CSMD1: variants seen among roughly 807,000 people sequenced by gnomAD.
CSMD1 encodes CUB and Sushi multiple domains 1, also known as CUB and sushi domain-containing protein 1.
A neutral mutation model predicts 417.5 loss-of-function variants in CSMD1; 213 were observed. That is an observed-to-expected ratio of 0.51 (90% CI 0.46 to 0.57). The LOEUF (loss-of-function observed/expected upper bound fraction) is 0.57, where lower values mean the gene tolerates loss of function less well. CSMD1 is among the 20% of genes least tolerant of loss of function. CSMD1 has a pLI of 0.00. For synonymous variants in CSMD1, 2,862 were observed against 1,736.8 expected (o/e 1.65, Z -16.11); for missense variants, 6,923 against 4,529.7 (o/e 1.53, Z -15.17).
chr8:3,628,612 G>A (rs1019750323), intron 7 of CSMD1, among the ~76,000 whole-genome samples: 6 of 152,152 alleles, frequency 3.9e-5, no homozygotes, highest in Non-Finnish European at 7.4e-5. Context: ...GAGGAAGAGG[G>A]AGTGTCTCAG....
chr8:3,119,602 T>C (rs1817078082), intron 41 of CSMD1, among the ~76,000 whole-genome samples: 2 of 152,150 alleles, frequency 1.3e-5, no homozygotes, highest in South Asian at 2.1e-4. Flanking sequence ...AATCCATAAA[T>C]CAGGTATCAT....
At chr8:3,868,479 C>A (rs1017624563) in intron 5 of CSMD1, among the ~76,000 whole-genome samples, 2 of 152,098 alleles carry the variant, frequency 1.3e-5, no homozygotes, top group Non-Finnish European at 1.5e-5. Flanking sequence ...GGAAGGGGCT[C>A]TCTCATTCAA....
chr8:3,590,427 T>C (rs1800797494), intron 8 of CSMD1, among the ~76,000 whole-genome samples: 1 of 152,148 alleles, frequency 6.6e-6, no homozygotes, highest in African/African-American at 2.4e-5. Flanking sequence ...CTTACTCTTC[T>C]CAGATTTCCA....
intron 1 of CSMD1, among the ~76,000 whole-genome samples, chr8:4,793,727 A>C (rs1349058008): frequency 6.6e-6 from 1 of 151,970 alleles, no homozygotes; most frequent in Non-Finnish European, 1.5e-5. Context: ...TTTACAGGGG[A>C]AATGACATTC....
intron 18 of CSMD1, among the ~76,000 whole-genome samples, chr8:3,372,718 G>T (rs1330349065): frequency 6.6e-6 from 1 of 152,152 alleles, no homozygotes; most frequent in Non-Finnish European, 1.5e-5. Flanking sequence ...GGATACCAAA[G>T]CTCCAAGTCT....
In CSMD1 at chr8:3,029,367, G is replaced by C. The variant is rs1030040273; in HGVS notation, c.7807C>G (p.Gln2603Glu). ...CCTATGTTCCACGTCCCATTGGCCTGGCACCGCAGGAGCCTCCAGCCTTCT... is the reference window on the plus strand; with the variant it reads ...CCTATGTTCCACGTCCCATTGGCCTCGCACCGCAGGAGCCTCCAGCCTTCT... ...YLEGWRLLRCQANGTWNIGDE... is the reference protein window; with the variant it reads ...YLEGWRLLRCEANGTWNIGDE... Residue 2603 changes from glutamine (Q) to glutamate (E), a missense_variant, in exon 51 of 70, where the codon CAG (glutamine) becomes GAG (glutamate). Gln to Glu is a conservative substitution (Grantham distance 29). Transcript: ENST00000635120. 9 of 1,610,856 alleles carry C rather than the reference G, an allele frequency of 5.6e-6. No homozygotes were observed. The highest frequency in any genetic ancestry group is 7.6e-6 in the Non-Finnish European group (9 of 1,179,304).
chr8:3,868,775 G>C (rs766861773), intron 5 of CSMD1, among the ~76,000 whole-genome samples: 1 of 152,070 alleles, frequency 6.6e-6, no homozygotes, highest in African/African-American at 2.4e-5. Flanking sequence ...ATTTCTGTTC[G>C]CTATACCTTC....
chr8:4,988,900 A>T (rs73499410), intron 1 of CSMD1, among the ~76,000 whole-genome samples: 2 of 152,204 alleles, frequency 1.3e-5, no homozygotes, highest in African/African-American at 4.8e-5. Flanking sequence ...TCAATTATAC[A>T]ATGTCCTTCT....
rs552931376 is a variant in CSMD1, at chr8:4,571,726, G to T, written c.302+65616C>A. ...TTGATCTGTCTAGTATTGACAGTGGGTGTTAAACTCTCCCACTATTATTGT... is the reference window on the plus strand; with the variant it reads ...TTGATCTGTCTAGTATTGACAGTGGTTGTTAAACTCTCCCACTATTATTGT... On this transcript the variant is annotated intron_variant, in intron 2 of 69. Coordinates refer to ENST00000635120, the MANE Select transcript of CSMD1 (RefSeq NM_033225.6). Among the ~76,000 whole-genome samples, 3 of 152,236 alleles carry T rather than the reference G, an allele frequency of 2.0e-5. No homozygotes were observed. In the East Asian group the frequency reaches 5.8e-4, roughly 29 times the overall value.
intron 3 of CSMD1, among the ~76,000 whole-genome samples, chr8:4,090,133 A>T (rs934572817): frequency 6.6e-6 from 1 of 152,238 alleles, no homozygotes; most frequent in African/African-American, 2.4e-5. Context: ...GCTCATCATT[A>T]ATAGAATACA....
At chr8:4,241,726 C>T (rs755411644) in intron 3 of CSMD1, among the ~76,000 whole-genome samples, 55 of 143,638 alleles carry the variant, frequency 3.8e-4, no homozygotes, top group Non-Finnish European at 6.6e-4. Context: ...TTTTTTGAGA[C>T]GGAGTCTCGC....
intron 7 of CSMD1, among the ~76,000 whole-genome samples, chr8:3,637,979 C>T (rs1263021041): frequency 6.6e-6 from 1 of 152,186 alleles, no homozygotes; most frequent in Non-Finnish European, 1.5e-5. Context: ...TGTGAGGCCT[C>T]CTCAGTTATG....
chr8:4,352,958 T>C (rs1475497045), intron 3 of CSMD1, among the ~76,000 whole-genome samples: 1 of 152,240 alleles, frequency 6.6e-6, no homozygotes, highest in East Asian at 1.9e-4. Flanking sequence ...GGGCTAATTA[T>C]GGTAAATTCT....
intron 1 of CSMD1, among the ~76,000 whole-genome samples, chr8:4,717,306 T>A (rs997923097): frequency 7.9e-6 from 1 of 126,798 alleles, no homozygotes; most frequent in Admixed American, 7.3e-5. Context: ...TCTCTCTCTC[T>A]CTCCATATAT....
At chr8:3,712,355 T>G (rs1440139257) in intron 6 of CSMD1, among the ~76,000 whole-genome samples, 1 of 150,112 alleles carries the variant, frequency 6.7e-6, no homozygotes, top group East Asian at 2.0e-4. Context: ...TGAGCAGAGA[T>G]TTTCATTTGC....
intron 2 of CSMD1, among the ~76,000 whole-genome samples, chr8:4,470,130 A>C (rs1000571090): frequency 2.6e-5 from 4 of 151,918 alleles, no homozygotes; most frequent in African/African-American, 9.7e-5. Context: ...TCGGCCTCCC[A>C]AAGGGCTGGG....
chr8:4,707,402 A>C (rs966438877), intron 1 of CSMD1, among the ~76,000 whole-genome samples: 4 of 152,178 alleles, frequency 2.6e-5, no homozygotes, highest in Admixed American at 6.5e-5. Context: ...TCGTGCTGGG[A>C]AACAAAGACA....
intron 1 of CSMD1, among the ~76,000 whole-genome samples, chr8:4,908,250 G>C (rs926140655): frequency 2.6e-5 from 4 of 152,126 alleles, no homozygotes; most frequent in East Asian, 3.9e-4. Context: ...CTATTCTGTA[G>C]GGTAAAGTAT....
intron 2 of CSMD1, among the ~76,000 whole-genome samples, chr8:4,625,781 T>G (rs146978460): frequency 6.6e-6 from 1 of 152,120 alleles, no homozygotes; most frequent in Non-Finnish European, 1.5e-5. Context: ...TGGAGTGCCG[T>G]GGTATGATCT....
Sources: allele counts gnomAD v4.1 joint callset (sites outside exome capture counted in the v4.1 genomes callset), GRCh38; gene constraint gnomAD v4.1.1; transcripts MANE v1.5; gene names NCBI Gene and HGNC (gene_info 2026-07-23, HGNC 2026-07-21).